ANKRD27: variants seen among roughly 807,000 people sequenced by gnomAD.
ANKRD27 encodes ankyrin repeat domain 27, also known as ankyrin repeat domain-containing protein 27.
Under a neutral mutation model 129.7 loss-of-function variants are expected in ANKRD27, and 112 were observed. The observed-to-expected ratio is 0.86, with a 90% CI of 0.74 to 1.01. The LOEUF is 1.01. ANKRD27 is among the 50% of genes least tolerant of loss of function. The pLI is 0.00. For missense variants in ANKRD27, 1,258 were observed against 1,300.5 expected, an observed-to-expected ratio of 0.97 and a Z score of 0.50; for synonymous variants, 516 against 511.2, an observed-to-expected ratio of 1.01 and a Z score of -0.13.
At chr19:32,605,716 G>T in intron 24 of ANKRD27, 119 bp downstream of exon 24, 1 of 1,365,662 alleles carries the variant, frequency 7.3e-7, no homozygotes, top group Non-Finnish European at 1.0e-6. Flanking sequence ...CTCCCCAGAG[G>T]CCTGGGGTTG....
chr19:32,651,798 T>C (rs1432613770), intron 2 of ANKRD27, among the ~76,000 whole-genome samples: 1 of 152,084 alleles, frequency 6.6e-6, no homozygotes, highest in East Asian at 1.9e-4. Context: ...ATTCACTGCA[T>C]CCCCACTGTC....
At chr19:32,611,305 T>C (rs1178043508) in intron 22 of ANKRD27, among the ~76,000 whole-genome samples, 16 of 152,162 alleles carry the variant, frequency 1.1e-4, no homozygotes, top group Non-Finnish European at 7.4e-5. Context: ...CACCAGATGC[T>C]AGGGAACACC....
intron 4 of ANKRD27, among the ~76,000 whole-genome samples, chr19:32,645,078 T>C (rs1299072775): frequency 6.6e-6 from 1 of 152,214 alleles, no homozygotes; most frequent in Non-Finnish European, 1.5e-5. Flanking sequence ...GGTCTCCATG[T>C]GGCTCTTGAA....
intron 9 of ANKRD27, 41 bp from the exon 10 acceptor site, chr19:32,642,186 A>G (rs1599760196): frequency 1.3e-6 from 2 of 1,533,244 alleles, no homozygotes; most frequent in Non-Finnish European, 1.8e-6. Context: ...AGAGCACAGT[A>G]AGAGAACCCT....
chr19:32,614,740 A>G (rs974463144), intron 22 of ANKRD27, among the ~76,000 whole-genome samples: 1 of 152,202 alleles, frequency 6.6e-6, no homozygotes, highest in African/African-American at 2.4e-5. Context: ...AGTATCTGTC[A>G]CAGAAAATAT....
At chr19:32,620,302 T>C (rs1971989248) in intron 18 of ANKRD27, among the ~76,000 whole-genome samples, 2 of 150,674 alleles carry the variant, frequency 1.3e-5, no homozygotes, top group South Asian at 4.2e-4. Flanking sequence ...CCCATAACTG[T>C]AATCCCAGCA....
At chr19:32,658,891 AC>A (rs1002811020) in intron 2 of ANKRD27, 22 bp downstream of exon 2, 5 of 1,586,532 alleles carry the variant, frequency 3.2e-6, no homozygotes, top group Non-Finnish European at 4.3e-6. Context: ...CCTCAGGACA[AC>A]CCCGAGGCTC....
intron 3 of ANKRD27, among the ~76,000 whole-genome samples, chr19:32,648,677 G>A (rs866165153): frequency 9.9e-5 from 15 of 152,004 alleles, no homozygotes; most frequent in African/African-American, 2.4e-4. Flanking sequence ...GCGGGTGCCC[G>A]TAGTCCCAGC....
chr19:32,656,884 C>T (rs934534504), intron 2 of ANKRD27, among the ~76,000 whole-genome samples: 1 of 151,696 alleles, frequency 6.6e-6, no homozygotes, highest in Non-Finnish European at 1.5e-5. Context: ...TTAATAATTG[C>T]TGTGAAATGA....
rs771343621 is a variant in ANKRD27 at position 32,649,808 on chromosome 19, C to G, written c.103-16G>C. On this transcript the variant is annotated splice_polypyrimidine_tract_variant and intron_variant, in intron 2 of 28. Coordinates refer to ENST00000306065, the MANE Select transcript of ANKRD27 (RefSeq NM_032139.3). ...GTACTAAGACCTGGAAAAAACAATT[C>G]GGGGCAACATTAGACAGACGTGCCA... The G allele has an allele frequency of 6.5e-7, 1 of 1,545,056 alleles. No homozygotes were observed. Among genetic ancestry groups the G allele is most frequent in the South Asian group, 1.1e-5 (1 of 89,670 alleles).
In ANKRD27 at chr19:32,622,038, G is replaced by A. The variant is rs968916694; in HGVS notation, c.1827+384C>T. On this transcript the variant is annotated intron_variant, in intron 18 of 28. Coordinates refer to ENST00000306065, the MANE Select transcript of ANKRD27 (RefSeq NM_032139.3). ...ACACTCGATGTCCAGAACTGGCCGA[G>A]TCTCAATAAAGACTCTAGGCATTGA... is the stretch of plus-strand genomic sequence containing the variant. Among the ~76,000 whole-genome samples the A allele has an allele frequency of 5.3e-5, 8 of 152,128 alleles. 1 individual carries two copies. The highest frequency in any genetic ancestry group is 2.4e-5 in the African/African-American group (1 of 41,422).
rs1042831539 is a variant in ANKRD27 at position 32,644,374 on chromosome 19, A to G, written c.476T>C (p.Phe159Ser). 5.0e-6 allele frequency: 8 copies of G among 1,613,964 alleles called. No individual in the cohort carries two copies. Among genetic ancestry groups the G allele is most frequent in the Non-Finnish European group, 6.8e-6 (8 of 1,179,970 alleles). Residue 159 changes from phenylalanine (F) to serine (S), a missense_variant, in exon 5 of 29, where the codon TTC becomes TCC. Coordinates refer to ENST00000306065, the MANE Select transcript of ANKRD27 (RefSeq NM_032139.3). ...SERFDRNIAS[F>S]HRTFRECERK... ...CTCGCATTCTCGGAATGTTCGATGG[A>G]AAGAGGCGATGTTCCTGTCAAATCG...
chr19:32,671,246 C>G (rs1967864067), intron 1 of ANKRD27, among the ~76,000 whole-genome samples: 2 of 151,888 alleles, frequency 1.3e-5, no homozygotes, highest in African/African-American at 4.8e-5. Context: ...TATGACTGCA[C>G]CACTGCACTC....
rs78890012 is a variant in ANKRD27, at chr19:32,643,047, C to G, written c.782+76G>C. ...CAAACCAGCGTGTCACCTCTGCCAC[C>G]GAGAGGGCCTGCTTCCGGGAGAAGA... On this transcript the variant is annotated intron_variant, in intron 9 of 28. Coordinates refer to ENST00000306065, the MANE Select transcript of ANKRD27 (RefSeq NM_032139.3). The G allele has an allele frequency of 1.9e-3, 2,701 of 1,452,118 alleles. 37 individuals carry two copies. The African/African-American group carries it at 0.031, about 17-fold the overall frequency. The allele number at this position is 1,452,118 out of a possible 1,614,324, so 90.0% of individuals were successfully genotyped here. A position where few individuals can be genotyped will look rare whatever the true frequency, so the allele number is the denominator to read the frequency against.
intron 9 of ANKRD27, among the ~76,000 whole-genome samples, chr19:32,642,830 C>T (rs745396404): frequency 7.9e-5 from 12 of 152,120 alleles, no homozygotes; most frequent in Admixed American, 1.3e-4. Flanking sequence ...GTCCCCTGCA[C>T]GCAGAACCCA....
chr19:32,637,143 A>G (rs1330057208), intron 12 of ANKRD27, among the ~76,000 whole-genome samples: 1 of 152,224 alleles, frequency 6.6e-6, no homozygotes, highest in Admixed American at 6.5e-5. Context: ...ATGGGGTGGA[A>G]ATGCCTGCAC....
In ANKRD27 at chr19:32,643,131, C is replaced by T. The variant is rs141889621; in HGVS notation, c.774G>A (p.Pro258=). 2.8e-3 allele frequency: 4,555 copies of T among 1,613,720 alleles called. 12 individuals carry two copies. The highest frequency in any genetic ancestry group is 6.1e-3 in the Middle Eastern group (37 of 6,062). The change falls in exon 9 of 29, where the codon CCG becomes CCA. Residue 258 remains proline, a synonymous_variant. Transcript: ENST00000306065. ...DLQQKDIGVK[P]EFSFNIPRAK... is the part of the protein sequence containing the mutation. ...GTGGCGCAAACCCTTACCTGAACTC[C>T]GGTTTCACACCAATATCTTTCTGCT...
intron 2 of ANKRD27, among the ~76,000 whole-genome samples, chr19:32,653,526 G>T (rs1447669249): frequency 6.6e-6 from 1 of 152,142 alleles, no homozygotes; most frequent in Non-Finnish European, 1.5e-5. Flanking sequence ...CCGGATAGTT[G>T]TAAGCACAGA....
chr19:32,608,979 T>C (rs1013231952), intron 22 of ANKRD27, among the ~76,000 whole-genome samples: 16 of 152,146 alleles, frequency 1.1e-4, no homozygotes, highest in Non-Finnish European at 1.3e-4. Context: ...CGAATTCTCC[T>C]GCCTCAGCCT....
Sources: gnomAD v4.1 joint callset for allele counts (sites outside exome capture counted in the v4.1 genomes callset) on GRCh38, gnomAD v4.1.1 for gene constraint, MANE v1.5 for transcripts, NCBI Gene and HGNC (gene_info 2026-07-23, HGNC 2026-07-21) for gene names.